The following TRIM24 variants were observed in gnomAD, a reference collection of about 807,000 sequenced individuals.
TRIM24 encodes the protein transcription intermediary factor 1-alpha.
Under a neutral mutation model 123.9 loss-of-function variants are expected in TRIM24, and 29 were observed. The observed-to-expected ratio is 0.23, with a 90% confidence interval of 0.17 to 0.32. The LOEUF (loss-of-function observed/expected upper bound fraction) is 0.32. TRIM24 is among the 10% of genes least tolerant of loss of function. TRIM24 has a pLI of 1.00. For missense variants in TRIM24, 932 were observed against 1,295.3 expected (o/e 0.72, Z 4.31); for synonymous variants, 456 against 461.1 (o/e 0.99, Z 0.14).
chr7:138,472,085 G>A (rs1795284075), intron 1 of TRIM24, among the ~76,000 whole-genome samples: 1 of 152,046 alleles, frequency 6.6e-6, no homozygotes, highest in South Asian at 2.1e-4. Flanking sequence ...CCAGATTGGG[G>A]TAGGTTAAAC....
At chr7:138,512,122 T>G (rs1470694403) in intron 2 of TRIM24, among the ~76,000 whole-genome samples, 1 of 152,192 alleles carries the variant, frequency 6.6e-6, no homozygotes, top group Non-Finnish European at 1.5e-5. Context: ...ACATCTGTCA[T>G]CCAGGACACA....
Position 138,551,192 on chromosome 7 carries a change from C to A in TRIM24, c.1261+12C>A. The A allele has an allele frequency of 6.4e-7, 1 of 1,573,988 alleles. No individual in the cohort carries two copies. The highest frequency in any genetic ancestry group is 1.3e-5 in the African/African-American group (1 of 74,166). ...TATCATCAACTTAGGTGGGCCATTA[C>A]CATTACATACATTTCTCAGTGGCAT... is the stretch of plus-strand genomic sequence containing the variant. On this transcript the variant is annotated intron_variant, in intron 8 of 18. Coordinates refer to ENST00000343526, the MANE Select transcript of TRIM24 (RefSeq NM_015905.3).
chr7:138,487,152 C>T (rs757978772), intron 1 of TRIM24, among the ~76,000 whole-genome samples: 16 of 151,986 alleles, frequency 1.1e-4, no homozygotes, highest in South Asian at 6.2e-4. Flanking sequence ...CTGTTATTGG[C>T]GTATAAGAAT....
intron 1 of TRIM24, among the ~76,000 whole-genome samples, chr7:138,500,170 T>C (rs1796005084): frequency 6.6e-6 from 1 of 152,202 alleles, no homozygotes; most frequent in South Asian, 2.1e-4. Flanking sequence ...CCCTGCATTA[T>C]GCTTAGGTTT....
intron 7 of TRIM24, among the ~76,000 whole-genome samples, chr7:138,541,311 G>A (rs555357850): frequency 6.0e-4 from 92 of 152,184 alleles, no homozygotes; most frequent in Admixed American, 1.9e-3. Context: ...AAAGACATGA[G>A]AATCAGAATT....
intron 1 of TRIM24, among the ~76,000 whole-genome samples, chr7:138,468,716 G>T (rs1196467384): frequency 6.6e-6 from 1 of 151,958 alleles, no homozygotes; most frequent in East Asian, 1.9e-4. Context: ...CAATCCCTTA[G>T]CAGCTGCTCT....
At chr7:138,555,644 G>A (rs573344450) in intron 9 of TRIM24, among the ~76,000 whole-genome samples, 61 of 151,822 alleles carry the variant, frequency 4.0e-4, no homozygotes, top group South Asian at 2.7e-3. Flanking sequence ...CACCACACCC[G>A]GCTAATTTTT....
Position 138,523,719 on chromosome 7 carries a change from C to T in TRIM24, c.765-1522C>T, listed in dbSNP as rs1250085310. ...TGAGCCGAGATGGGGCCACTGCACT[C>T]CAGCCTGGGCGACAGAGCGAGACTC... On this transcript the variant is annotated intron_variant, in intron 4 of 18. Transcript: ENST00000343526. 5.0e-5 allele frequency among the ~76,000 whole-genome samples: 7 copies of T among 139,158 alleles called. No individual in the cohort carries two copies. In the South Asian group the frequency reaches 1.6e-3, roughly 31 times the overall value. The allele number at this position is 139,158 out of a possible 152,430, so 91.3% of individuals were successfully genotyped here. A position where few individuals can be genotyped will look rare whatever the true frequency, so the allele number is the denominator to read the frequency against.
At chr7:138,504,842 TCTC>T (rs1796117349) in intron 2 of TRIM24, among the ~76,000 whole-genome samples, 1 of 150,496 alleles carries the variant, frequency 6.6e-6, no homozygotes, top group Admixed American at 6.6e-5. Context: ...CTCACTTCCA[TCTC>T]CTCCTCCTGG....
chr7:138,529,772 T>TA (rs1796690351), intron 6 of TRIM24, among the ~76,000 whole-genome samples: 1 of 152,204 alleles, frequency 6.6e-6, no homozygotes, highest in African/African-American at 2.4e-5. Context: ...CTCAGCTTTT[T>TA]AAAACTCATG....
intron 1 of TRIM24, among the ~76,000 whole-genome samples, chr7:138,478,368 A>G (rs1185381865): frequency 6.7e-6 from 1 of 149,592 alleles, no homozygotes; most frequent in East Asian, 2.0e-4. Flanking sequence ...TGTTTTGGGC[A>G]CAGTGGTTCA....
intron 16 of TRIM24, among the ~76,000 whole-genome samples, chr7:138,581,029 TG>T (rs1397703436): frequency 6.6e-6 from 1 of 152,234 alleles, no homozygotes; most frequent in Non-Finnish European, 1.5e-5. Context: ...ACCAAGGAGC[TG>T]GGTTTTTTCT....
chr7:138,502,006 C>T (rs1319015476), intron 1 of TRIM24, among the ~76,000 whole-genome samples: 2 of 152,004 alleles, frequency 1.3e-5, no homozygotes, highest in African/African-American at 4.8e-5. Context: ...ACATCTGGGG[C>T]TTGGGAATGA....
chr7:138,577,634 G>T, intron 14 of TRIM24, 46 bp downstream of exon 14: 1 of 1,428,488 alleles, frequency 7.0e-7, no homozygotes. Context: ...TGGTGGGTAG[G>T]GTGAGAGAAT....
chr7:138,533,015 G>A (rs1186204942), intron 6 of TRIM24, among the ~76,000 whole-genome samples: 1 of 152,128 alleles, frequency 6.6e-6, no homozygotes, highest in Non-Finnish European at 1.5e-5. Context: ...CTCTCTGTTT[G>A]TCTGTTATTG....
intron 10 of TRIM24, among the ~76,000 whole-genome samples, chr7:138,568,409 T>TTTTTTA: frequency 8.5e-6 from 1 of 117,252 alleles, no homozygotes; most frequent in African/African-American, 3.7e-5. Context: ...TTTTTTTTTT[T>TTTTTTA]AAAGTCTCTC....
At chr7:138,557,231 T>C (rs1797333102) in intron 9 of TRIM24, among the ~76,000 whole-genome samples, 1 of 152,214 alleles carries the variant, frequency 6.6e-6, no homozygotes, top group Non-Finnish European at 1.5e-5. Flanking sequence ...ATTGCTGGCC[T>C]TGGAGTGAGT....
At chr7:138,462,869 TTTATTTA>T (rs1249665601) in intron 1 of TRIM24, among the ~76,000 whole-genome samples, 6 of 150,916 alleles carry the variant, frequency 4.0e-5, no homozygotes, top group African/African-American at 1.5e-4. Flanking sequence ...TATTTATTTA[TTTATTTA>T]TTTTTTTTTT....
At chr7:138,532,555 C>G (rs145073507) in intron 6 of TRIM24, among the ~76,000 whole-genome samples, 530 of 152,238 alleles carry the variant, frequency 3.5e-3, no homozygotes, top group African/African-American at 0.011. Flanking sequence ...GGGCTCTGTT[C>G]TGTTCCAAAG....
Sources: gnomAD v4.1 joint callset for allele counts (sites outside exome capture counted in the v4.1 genomes callset) on GRCh38, gnomAD v4.1.1 for gene constraint, MANE v1.5 for transcripts, NCBI Gene and HGNC (gene_info 2026-07-23, HGNC 2026-07-21) for gene names.